The following MRPL28 variants were observed in gnomAD, a reference collection of about 807,000 sequenced individuals.
The protein encoded by MRPL28 is large ribosomal subunit protein bL28m.
Under a neutral mutation model 26.2 loss-of-function variants are expected in MRPL28, and 25 were observed. The observed-to-expected ratio is 0.95, with a 90% CI of 0.69 to 1.33. The LOEUF is 1.33. MRPL28 is among the 40% of genes most tolerant of loss of function. MRPL28 has a pLI of 0.00. For synonymous variants in MRPL28, 227 were observed against 140.1 expected, an observed-to-expected ratio of 1.62 and a Z score of -4.38; for missense variants, 432 against 327.2, an observed-to-expected ratio of 1.32 and a Z score of -2.47.
chr16:369,696 C>G, intron 2 of MRPL28: 1 of 730,108 alleles, frequency 1.4e-6, no homozygotes, highest in East Asian at 2.7e-5. Flanking sequence ...CCCGACTCCC[C>G]ACGGCCTCTG....
Position 369,599 on chromosome 16 carries a change from A to AGCTCTGCTCGCCTCCCCCACCT in MRPL28, c.288+310_288+331dup, listed in dbSNP as rs747834328. 595 of 615,100 alleles carry AGCTCTGCTCGCCTCCCCCACCT rather than the reference A, an allele frequency of 9.7e-4. 2 individuals carry two copies. Among genetic ancestry groups the AGCTCTGCTCGCCTCCCCCACCT allele is most frequent in the South Asian group, 1.5e-3 (93 of 64,032 alleles). The allele number at this position is 615,100 out of a possible 1,614,324, so 38.1% of individuals were successfully genotyped here. A position where few individuals can be genotyped will look rare whatever the true frequency, so the allele number is the denominator to read the frequency against. On this transcript the variant is annotated intron_variant, in intron 2 of 5. Coordinates refer to ENST00000199706, the MANE Select transcript of MRPL28 (RefSeq NM_006428.5). ...GGAAGTCCACCACAAGCAGCCTCGA[A>AGCTCTGCTCGCCTCCCCCACCT]GCTCTGCTCGCCTCCCCCACCTGCT...
In MRPL28 at chr16:368,540, C is replaced by A. The variant is rs1230175256; in HGVS notation, c.537G>T (p.Glu179Asp). The A allele has an allele frequency of 1.9e-6, 3 of 1,596,126 alleles. No homozygotes were observed. Among genetic ancestry groups the A allele is most frequent in the Admixed American group, 3.4e-5 (2 of 59,046 alleles). ...AGATGGCTGCCCGCCGCTCGGGGTC[C>A]TCGGGGTGCAGCTGGGGGTCCTGCC... ...LARQDPQLHP[E>D]DPERRAAIYD... Residue 179 changes from glutamate to aspartate, a missense_variant, in exon 4 of 6, where the codon GAG (glutamate) becomes GAT (aspartate). Glu to Asp is a conservative substitution (Grantham distance 45). Coordinates refer to ENST00000199706, the MANE Select transcript of MRPL28 (RefSeq NM_006428.5).
intron 3 of MRPL28, 149 bp from the exon 4 acceptor site, chr16:368,784 G>A: frequency 1.6e-6 from 2 of 1,282,364 alleles, no homozygotes; most frequent in Non-Finnish European, 2.1e-6. Context: ...CCCAGCCTGG[G>A]GGGTGGGATC....
chr16:370,248 A>G, intron 1 of MRPL28, 23 bp from the exon 2 acceptor site: 1 of 1,465,442 alleles, frequency 6.8e-7, no homozygotes, highest in Non-Finnish European at 9.1e-7. Flanking sequence ...GGGGGCTCGC[A>G]GTCAGTCGCA....
chr16:368,273 G>A (rs894191124), intron 5 of MRPL28, 55 bp downstream of exon 5: 9 of 1,590,574 alleles, frequency 5.7e-6, no homozygotes, highest in Non-Finnish European at 7.8e-6. Context: ...CACACTCCCA[G>A]ACCCTGAACA....
At chr16:369,673 A>G (rs751404454) in intron 2 of MRPL28, 1 of 688,176 alleles carries the variant, frequency 1.5e-6, no homozygotes, top group South Asian at 1.5e-5. Flanking sequence ...CCTCCTCCCC[A>G]TCCTAACTTT....
Position 369,934 on chromosome 16 carries a change from G to A in MRPL28, c.285C>T (p.Asp95=), listed in dbSNP as rs910429091. The A allele has an allele frequency of 1.2e-6, 2 of 1,609,062 alleles. No individual in the cohort carries two copies. Among genetic ancestry groups the A allele is most frequent in the South Asian group, 1.1e-5 (1 of 91,006 alleles). The part of the protein sequence containing the change: ...WILGQIYANN[D]KLSKRLKKVW... ...TGAAGGCCGCCTGCGGACCCACCTT[G>A]TCGTTGTTGGCATATATTTGGCCCA... The change falls in exon 2 of 6, where the codon GAC becomes GAT. Residue 95 remains aspartate, a synonymous_variant. Coordinates refer to ENST00000199706, the MANE Select transcript of MRPL28 (RefSeq NM_006428.5).
intron 2 of MRPL28, chr16:369,454 C>T (rs2054296586): frequency 1.6e-6 from 1 of 630,572 alleles, no homozygotes; most frequent in East Asian, 2.7e-5. Context: ...GGCGTTCCCG[C>T]CCTGGTCACA....
chr16:369,423 C>A, intron 2 of MRPL28: 1 of 647,160 alleles, frequency 1.5e-6, no homozygotes. Context: ...ACCCAGAAGT[C>A]AGCTGCTCCC....
rs1396002245 is a variant in MRPL28, at chr16:368,774, C to T, written c.442-139G>A. ...GGCCCGGGTGGGGCCGCCTCAGCAC[C>T]CCAGCCTGGGGGGTGGGATCAGCAC... On this transcript the variant is annotated intron_variant, in intron 3 of 5. Transcript: ENST00000199706. 1.7e-5 allele frequency: 23 copies of T among 1,344,470 alleles called. No individual in the cohort carries two copies. In the Admixed American group the frequency reaches 6.0e-4, roughly 35 times the overall value. The allele number at this position is 1,344,470 out of a possible 1,614,324, so 83.3% of individuals were successfully genotyped here.
chr16:369,300 T>C, intron 2 of MRPL28, 80 bp from the exon 3 acceptor site: 1 of 1,520,882 alleles, frequency 6.6e-7, no homozygotes, highest in South Asian at 1.2e-5. Context: ...TGCCCTCACC[T>C]CCCCCCCGGA....
chr16:369,301 C>G, intron 2 of MRPL28, 81 bp from the exon 3 acceptor site: 1 of 1,504,378 alleles, frequency 6.6e-7, no homozygotes, highest in Non-Finnish European at 9.1e-7. Context: ...GCCCTCACCT[C>G]CCCCCCGGAG....
Position 369,096 on chromosome 16 carries a change from G to C in MRPL28, c.413C>G (p.Ala138Gly). Residue 138 changes from alanine to glycine, a missense_variant, in exon 3 of 6, where the codon GCT (alanine) becomes GGT (glycine). By Grantham distance (60) the Ala-to-Gly change is moderately conservative. Coordinates refer to ENST00000199706, the MANE Select transcript of MRPL28 (RefSeq NM_006428.5). ...TMRTLDLIDE[A>G]YGLDFYILKT... ...GAGGATGTAAAAGTCGAGCCCATAA[G>C]CCTCATCGATGAGGTCCAGGGTCCG... 2.5e-6 allele frequency: 4 copies of C among 1,613,934 alleles called. No individual in the cohort carries two copies. Among genetic ancestry groups the C allele is most frequent in the South Asian group, 1.1e-5 (1 of 91,090 alleles).
intron 2 of MRPL28, 178 bp from the exon 3 acceptor site, chr16:369,398 G>A (rs1459216563): frequency 1.6e-5 from 12 of 740,994 alleles, no homozygotes; most frequent in Admixed American, 1.1e-4. Flanking sequence ...AGCCCGACCC[G>A]GGTCCTGACT....
chr16:369,575 G>A (rs527600980), intron 2 of MRPL28: 59 of 616,602 alleles, frequency 9.6e-5, no homozygotes, highest in South Asian at 9.0e-4. Flanking sequence ...GTCCCGCCAG[G>A]AAGTCCACCA....
In MRPL28 at chr16:370,009, G is replaced by A. The variant is rs768270657; in HGVS notation, c.210C>T (p.Tyr70=). Residue 70 remains tyrosine (Y), a synonymous_variant, in exon 2 of 6, where the codon TAC becomes TAT. Transcript: ENST00000199706. The part of the protein sequence containing the change: ...ERVEDVPIPI[Y]FPPESQRGLW... ...ACCCCCGCTGGGATTCGGGGGGAAA[G>A]TAGATGGGAATGGGCACGTCCTCCA... 2 of 1,613,290 alleles carry A rather than the reference G, an allele frequency of 1.2e-6. No individual in the cohort carries two copies. The highest frequency in any genetic ancestry group is 1.7e-6 in the Non-Finnish European group (2 of 1,179,878).
chr16:368,525 C>A lies in MRPL28; in HGVS notation c.552G>T (p.Arg184=), dbSNP rs530858382. 4 of 1,595,164 alleles carry A rather than the reference C, an allele frequency of 2.5e-6. No individual in the cohort carries two copies. The African/African-American group carries it at 5.4e-5, about 21-fold the overall frequency. Residue 184 remains arginine, a synonymous_variant, in exon 4 of 6, where the codon CGG becomes CGT. Coordinates refer to ENST00000199706, the MANE Select transcript of MRPL28 (RefSeq NM_006428.5). ...CCTTGTACTTGTCGTAGATGGCTGCCCGCCGCTCGGGGTCCTCGGGGTGCA... is the reference window on the plus strand; with the variant it reads ...CCTTGTACTTGTCGTAGATGGCTGCACGCCGCTCGGGGTCCTCGGGGTGCA... ...PQLHPEDPER[R]AAIYDKYKEF...
Position 370,206 on chromosome 16 carries a change from T to C in MRPL28, c.13A>G (p.Lys5Glu), listed in dbSNP as rs369647680. The C allele has an allele frequency of 6.9e-6, 11 of 1,586,144 alleles. No individual in the cohort carries two copies. Among genetic ancestry groups the C allele is most frequent in the African/African-American group, 4.0e-5 (3 of 74,262 alleles). The change falls in exon 2 of 6, where the codon AAG (lysine) becomes GAG (glutamate). Residue 5 changes from lysine (K) to glutamate (E), a missense_variant. Coordinates refer to ENST00000199706, the MANE Select transcript of MRPL28 (RefSeq NM_006428.5). The part of the protein sequence containing the change: MPLH[K>E]YPVWLWKRLQ... ...CGCTTCCAGAGCCACACGGGATACT[T>C]GTGTAGAGGCATCGCGAGCCTGGCG...
At chr16:369,688 C>A in intron 2 of MRPL28, 1 of 697,750 alleles carries the variant, frequency 1.4e-6, no homozygotes. Context: ...AACTTTACCC[C>A]GACTCCCCAC....
Sources: allele counts gnomAD v4.1 joint callset, GRCh38; gene constraint gnomAD v4.1.1; transcripts MANE v1.5; gene names NCBI Gene and HGNC (gene_info 2026-07-23, HGNC 2026-07-21).